The following MSH6 variants were observed in gnomAD, a reference collection of about 807,000 sequenced individuals.
The protein encoded by MSH6 is mutS homolog 6.
MSH6 carries 85 observed loss-of-function variants against 119.1 expected under a neutral mutation model. That is an observed-to-expected ratio of 0.71 (90% CI 0.60 to 0.85). MSH6 has a LOEUF of 0.85. MSH6 is among the 40% of genes least tolerant of loss of function. The pLI is 0.00. For missense variants in MSH6, 2,163 were observed against 1,655.3 expected, an observed-to-expected ratio of 1.31 and a Z score of -5.32; for synonymous variants, 830 against 586.9, an observed-to-expected ratio of 1.41 and a Z score of -5.99.
chr2:47,797,856 CA>C, intron 3 of MSH6: 1 of 235,746 alleles, frequency 4.2e-6, no homozygotes, highest in South Asian at 6.3e-5. Context: ...CCTCCCAGTT[CA>C]AAATGCTTGC....
downstream of MSH6, chr2:47,808,313 C>G: frequency 6.2e-7 from 1 of 1,612,222 alleles, no homozygotes; most frequent in Non-Finnish European, 8.5e-7. Flanking sequence ...ATATATCAAG[C>G]AAGTGTGCTA....
At chr2:47,797,987 C>G (rs1669201603) in intron 3 of MSH6, 1 of 208,660 alleles carries the variant, frequency 4.8e-6, no homozygotes, top group Non-Finnish European at 1.0e-5. Context: ...CATACCCACT[C>G]TGCTTCCTTC....
rs63749899 is a variant in MSH6 at position 47,800,322 on chromosome 2, C to T, written c.2339C>T (p.Ala780Val). ...CGGCTCCTAAAGCAATGGCTTTGTG[C>T]CCCACTCTGTAACCATTATGCTATT... ...GKRLLKQWLC[A>V]PLCNHYAIND... Residue 780 changes from alanine (A) to valine (V), a missense_variant, in exon 4 of 10, where the codon GCC (alanine) becomes GTC (valine). Ala to Val is a moderately conservative substitution (Grantham distance 64). Coordinates refer to ENST00000234420, the MANE Select transcript of MSH6 (RefSeq NM_000179.3). The T allele has an allele frequency of 1.9e-6, 3 of 1,614,028 alleles. No individual in the cohort carries two copies. The highest frequency in any genetic ancestry group is 2.2e-5 in the South Asian group (2 of 91,064).
rs2104501922 is a variant in MSH6 at position 47,804,828 on chromosome 2, A to C, written c.3439-82A>C. 5.8e-6 allele frequency: 6 copies of C among 1,034,884 alleles called. No homozygotes were observed. In the East Asian group the frequency reaches 1.4e-4, roughly 25 times the overall value. 64.1% of individuals were successfully genotyped at this position (1,034,884 alleles called of 1,614,324 possible). A position where few individuals can be genotyped will look rare whatever the true frequency, so the allele number is the denominator to read the frequency against. ...AGTTGTTTTAGAGTGCCTAGCTCTT[A>C]CGTAAGGGTTCATAAGAAAGACAAA... On this transcript the variant is annotated intron_variant, in intron 5 of 9. Transcript: ENST00000234420.
At chr2:47,783,688 G>C (rs1037865143) in intron 1 of MSH6, 195 bp downstream of exon 1, 6 of 561,278 alleles carry the variant, frequency 1.1e-5, no homozygotes, top group African/African-American at 2.0e-5. Context: ...CTTGTAAACA[G>C]GGTCGGAGGA....
rs869312800 is a variant in MSH6 at position 47,783,277 on chromosome 2, C to T, written c.44C>T (p.Pro15Leu). The T allele has an allele frequency of 2.5e-6, 4 of 1,612,072 alleles. No individual in the cohort carries two copies. Among genetic ancestry groups the T allele is most frequent in the African/African-American group, 1.3e-5 (1 of 74,784 alleles). ...CTGTACAGCTTCTTCCCCAAGTCTC[C>T]GGCGCTGAGTGATGCCAACAAGGCC... Reference protein sequence around the residue: ...STLYSFFPKSPALSDANKASA... With the variant: ...STLYSFFPKSLALSDANKASA... The change falls in exon 1 of 10, where the codon CCG becomes CTG. Residue 15 changes from proline (P) to leucine (L), a missense_variant. Coordinates refer to ENST00000234420, the MANE Select transcript of MSH6 (RefSeq NM_000179.3).
Position 47,785,707 on chromosome 2 carries a change from C to T in MSH6, c.260+2214C>T, listed in dbSNP as rs3136245. ...GCTTGTGGGGAACAGAGCCAGCATC[C>T]GCAATAACAAACTCCTGGTTAGAAA... On this transcript the variant is annotated intron_variant, in intron 1 of 9. Coordinates refer to ENST00000234420, the MANE Select transcript of MSH6 (RefSeq NM_000179.3). Among the ~76,000 whole-genome samples, 27,664 of 152,050 alleles carry T rather than the reference C, an allele frequency of 0.18. 3,569 individuals carry two copies. Among genetic ancestry groups the T allele is most frequent in the East Asian group, 0.62 (3,192 of 5,168 alleles).
At chr2:47,802,181 A>G (rs2104456693) in intron 4 of MSH6, among the ~76,000 whole-genome samples, 1 of 152,314 alleles carries the variant, frequency 6.6e-6, no homozygotes, top group East Asian at 1.9e-4. Flanking sequence ...CCAAATTGTC[A>G]AAGATTCTTT....
chr2:47,800,266 G>A lies in MSH6; in HGVS notation c.2283G>A (p.Arg761=), dbSNP rs1057523842. 6.2e-6 allele frequency: 10 copies of A among 1,614,106 alleles called. No homozygotes were observed. The highest frequency in any genetic ancestry group is 8.5e-6 in the Non-Finnish European group (10 of 1,180,012). The change falls in exon 4 of 10, where the codon AGG becomes AGA. Residue 761 remains arginine, a synonymous_variant. Coordinates refer to ENST00000234420, the MANE Select transcript of MSH6 (RefSeq NM_000179.3). ...CTACTGAAGGAACCCTACTAGAGAG[G>A]GTTGATACTTGCCATACTCCTTTTG... ...NGSTEGTLLE[R]VDTCHTPFGK... is the part of the protein sequence containing the mutation.
intron 2 of MSH6, among the ~76,000 whole-genome samples, chr2:47,792,882 G>A (rs913212806): frequency 6.9e-6 from 1 of 145,712 alleles, no homozygotes; most frequent in African/African-American, 2.5e-5. Context: ...AAGAGATGAC[G>A]GTCTTGCTAT....
chr2:47,796,191 A>G, intron 3 of MSH6, 128 bp downstream of exon 3: 1 of 952,414 alleles, frequency 1.0e-6, no homozygotes, highest in Non-Finnish European at 1.7e-6. Flanking sequence ...TTATACATAC[A>G]TGCATACTTC....
At chr2:47,807,230 T>A, downstream of MSH6, 1 of 244,196 alleles carries the variant, frequency 4.1e-6, no homozygotes, top group African/African-American at 2.2e-5. Context: ...AAAAAAACTA[T>A]GAACAGAGTT....
At position 47,799,182 on chromosome 2, in the gene MSH6, A is replaced by T. The variant is rs932458640; in HGVS notation, c.1199A>T (p.Glu400Val). Reference sequence around the variant, plus strand: ...GATGCATCTACACTCTATGTGCCTGAGGATTTCCTCAATTCTTGTACTCCT... The same window carrying T: ...GATGCATCTACACTCTATGTGCCTGTGGATTTCCTCAATTCTTGTACTCCT... ...DFDASTLYVPEDFLNSCTPGM... is the reference protein window; with the variant it reads ...DFDASTLYVPVDFLNSCTPGM... Residue 400 changes from glutamate (E) to valine (V), a missense_variant, in exon 4 of 10, where the codon GAG (glutamate) becomes GTG (valine). By Grantham distance (121) the Glu-to-Val change is moderately radical (BLOSUM62 -2). Coordinates refer to ENST00000234420, the MANE Select transcript of MSH6 (RefSeq NM_000179.3). The T allele has an allele frequency of 6.2e-7, 1 of 1,614,198 alleles. No homozygotes were observed. Among genetic ancestry groups the T allele is most frequent in the Admixed American group, 1.7e-5 (1 of 60,028 alleles).
intron 1 of MSH6, chr2:47,784,888 G>C (rs3136239): frequency 0.018 from 2,791 of 152,248 alleles, 37 homozygotes; most frequent in South Asian, 0.055. Context: ...GTGCAGTGGC[G>C]CGTTCTTGGC....
intron 1 of MSH6, among the ~76,000 whole-genome samples, chr2:47,788,917 T>TTTTGTTTTTTTTTTTTG (rs1558650202): frequency 6.9e-5 from 4 of 57,874 alleles, no homozygotes; most frequent in African/African-American, 2.6e-4. Context: ...CTTTTTTTTT[T>TTTTGTTTTTTTTTTTTG]TTTTGTTTTT....
Position 47,801,054 on chromosome 2 carries a change from G to A in MSH6, c.3071G>A (p.Arg1024Gln), listed in dbSNP as rs372705506. 9 of 1,602,968 alleles carry A rather than the reference G, an allele frequency of 5.6e-6. No individual in the cohort carries two copies. Among genetic ancestry groups the A allele is most frequent in the African/African-American group, 4.0e-5 (3 of 74,476 alleles). ...GCTAATCTCATAAATGCTGAAGAAC[G>A]GAGGGATGTATCATTGAAGGACTGC... ...KLANLINAEE[R>Q]RDVSLKDCMR... is the part of the protein sequence containing the mutation. Residue 1024 changes from arginine (R) to glutamine (Q), a missense_variant, in exon 4 of 10, where the codon CGG (arginine) becomes CAG (glutamine). By Grantham distance (43) the Arg-to-Gln change is conservative. Coordinates refer to ENST00000234420, the MANE Select transcript of MSH6 (RefSeq NM_000179.3).
At position 47,803,638 on chromosome 2, in the gene MSH6, C is replaced by T. The variant is rs1572735989; in HGVS notation, c.3391C>T (p.Leu1131Phe). The T allele has an allele frequency of 6.2e-7, 1 of 1,614,160 alleles. No homozygotes were observed. Among genetic ancestry groups the T allele is most frequent in the Non-Finnish European group, 8.5e-7 (1 of 1,180,018 alleles). Reference sequence around the variant, plus strand: ...GGAAAATGGCAAAGCCTATTGTGTGCTTGTTACTGGACCAAATATGGGGGG... The same window carrying T: ...GGAAAATGGCAAAGCCTATTGTGTGTTTGTTACTGGACCAAATATGGGGGG... ...EQENGKAYCVLVTGPNMGGKS... is the reference protein window; with the variant it reads ...EQENGKAYCVFVTGPNMGGKS... Residue 1131 changes from leucine to phenylalanine, a missense_variant, in exon 5 of 10, where the codon CTT (leucine) becomes TTT (phenylalanine). Physicochemically the swap from Leu to Phe is conservative, Grantham distance 22. Transcript: ENST00000234420.
Position 47,800,398 on chromosome 2 carries a change from C to G in MSH6, c.2415C>G (p.Ile805Met), listed in dbSNP as rs1219649543. 6.2e-7 allele frequency: 1 copy of G among 1,614,030 alleles called. No individual in the cohort carries two copies. Among genetic ancestry groups the G allele is most frequent in the Non-Finnish European group, 8.5e-7 (1 of 1,180,022 alleles). The change falls in exon 4 of 10, where the codon ATC (isoleucine) becomes ATG (methionine). Residue 805 changes from isoleucine (I) to methionine (M), a missense_variant. By Grantham distance (10) the Ile-to-Met change is conservative (BLOSUM62 1). Transcript: ENST00000234420. ...IEDLMVVPDK[I>M]SEVVELLKKL... ...ACCTCATGGTTGTGCCTGACAAAATCTCCGAAGTTGTAGAGCTTCTAAAGA... is the reference window on the plus strand; with the variant it reads ...ACCTCATGGTTGTGCCTGACAAAATGTCCGAAGTTGTAGAGCTTCTAAAGA...
Position 47,785,710 on chromosome 2 carries a change from A to C in MSH6, c.260+2217A>C, listed in dbSNP as rs1572701521. On this transcript the variant is annotated intron_variant, in intron 1 of 9. Coordinates refer to ENST00000234420, the MANE Select transcript of MSH6 (RefSeq NM_000179.3). ...TGTGGGGAACAGAGCCAGCATCCGC[A>C]ATAACAAACTCCTGGTTAGAAAAGC... Among the ~76,000 whole-genome samples, 3 of 152,344 alleles carry C rather than the reference A, an allele frequency of 2.0e-5. No individual in the cohort carries two copies. In the South Asian group the frequency reaches 6.2e-4, roughly 32 times the overall value.
Sources: gnomAD v4.1 joint callset for allele counts (sites outside exome capture counted in the v4.1 genomes callset) on GRCh38, gnomAD v4.1.1 for gene constraint, MANE v1.5 for transcripts, NCBI Gene and HGNC (gene_info 2026-07-23, HGNC 2026-07-21) for gene names.